HOOK3: variants seen among roughly 807,000 people sequenced by gnomAD.
HOOK3 encodes the protein hook microtubule tethering protein 3.
HOOK3 carries 24 observed loss-of-function variants against 116.3 expected under a neutral mutation model. The ratio of observed to expected loss-of-function variants is 0.21; its 90% CI spans 0.15 to 0.29. HOOK3 has a LOEUF of 0.29. Ranked by LOEUF, HOOK3 falls within the 10% of genes least tolerant of loss-of-function variation. HOOK3 has a pLI of 1.00. For synonymous variants in HOOK3, 275 were observed against 283.0 expected, an observed-to-expected ratio of 0.97 and a Z score of 0.28; for missense variants, 632 against 830.2, an observed-to-expected ratio of 0.76 and a Z score of 2.93.
At chr8:42,901,160 T>G (rs1807181005) in intron 1 of HOOK3, among the ~76,000 whole-genome samples, 1 of 152,194 alleles carries the variant, frequency 6.6e-6, no homozygotes, top group South Asian at 2.1e-4. Context: ...GCTCTAGAGA[T>G]AGTAATTCCA....
intron 14 of HOOK3, among the ~76,000 whole-genome samples, chr8:42,985,356 A>G (rs1331742270): frequency 3.3e-5 from 5 of 152,220 alleles, no homozygotes; most frequent in Admixed American, 3.3e-4. Flanking sequence ...ATAAGTAACG[A>G]TTTTAATGTC....
chr8:42,897,307 GGGGC>G, intron 1 of HOOK3, 119 bp downstream of exon 1: 1 of 603,104 alleles, frequency 1.7e-6, no homozygotes, highest in Non-Finnish European at 2.4e-6. Flanking sequence ...TCCGGGGCCT[GGGGC>G]GGGCGGGGCG....
At chr8:42,905,289 A>G (rs1327636361) in intron 1 of HOOK3, among the ~76,000 whole-genome samples, 3 of 110,164 alleles carry the variant, frequency 2.7e-5, no homozygotes, top group Admixed American at 1.0e-4. Context: ...CCTTTAGGAC[A>G]TAGTTCTTTT....
At chr8:42,976,541 A>G (rs1391452222) in intron 13 of HOOK3, among the ~76,000 whole-genome samples, 3 of 152,110 alleles carry the variant, frequency 2.0e-5, no homozygotes, top group Admixed American at 2.0e-4. Flanking sequence ...TTTGGTAAGG[A>G]TGACAGAAAC....
chr8:43,028,515 G>A lies in HOOK3; in HGVS notation c.*10017G>A, dbSNP rs1182405078. 1 of 188,764 alleles carries A rather than the reference G, an allele frequency of 5.3e-6. No individual in the cohort carries two copies. The highest frequency in any genetic ancestry group is 1.1e-5 in the Non-Finnish European group (1 of 90,212). The allele number at this position is 188,764 out of a possible 1,614,324, so 11.7% of individuals were successfully genotyped here. A position where few individuals can be genotyped will look rare whatever the true frequency, so the allele number is the denominator to read the frequency against. On this transcript the variant is annotated 3_prime_UTR_variant, in exon 22 of 22. Coordinates refer to ENST00000307602, the MANE Select transcript of HOOK3 (RefSeq NM_032410.4). ...ATTGCCAACAGTTTTTTTTGTTTCT[G>A]TCCCTTAAACATTTCCCCTGAAAGT...
chr8:43,014,013 G>C (rs1029107163), intron 21 of HOOK3, among the ~76,000 whole-genome samples: 1 of 152,120 alleles, frequency 6.6e-6, no homozygotes, highest in African/African-American at 2.4e-5. Flanking sequence ...AGTTGGCCAG[G>C]CGTGATGGCT....
intron 1 of HOOK3, among the ~76,000 whole-genome samples, chr8:42,898,867 C>T (rs1370934765): frequency 3.9e-5 from 6 of 152,220 alleles, no homozygotes; most frequent in Non-Finnish European, 7.3e-5. Flanking sequence ...CTACCTTAAA[C>T]GTGCTCAGAA....
At chr8:42,971,631 C>T (rs2130430589) in intron 11 of HOOK3, among the ~76,000 whole-genome samples, 1 of 151,370 alleles carries the variant, frequency 6.6e-6, no homozygotes, top group East Asian at 1.9e-4. Flanking sequence ...TTTCAAATCT[C>T]CCTGGTTATT....
intron 15 of HOOK3, among the ~76,000 whole-genome samples, chr8:42,992,221 A>G (rs1002083189): frequency 5.3e-5 from 8 of 150,778 alleles, no homozygotes; most frequent in African/African-American, 2.0e-4. Flanking sequence ...GAACACGGTG[A>G]AACCCCGTCT....
chr8:42,968,527 A>C (rs1193251742), intron 11 of HOOK3, among the ~76,000 whole-genome samples: 2 of 152,030 alleles, frequency 1.3e-5, no homozygotes, highest in African/African-American at 2.4e-5. Flanking sequence ...ACAGGGTTTC[A>C]CTGTGTTGCC....
At chr8:42,976,394 C>G (rs1486315663) in intron 13 of HOOK3, among the ~76,000 whole-genome samples, 1 of 151,962 alleles carries the variant, frequency 6.6e-6, no homozygotes, top group Non-Finnish European at 1.5e-5. Context: ...CCTGTGGGCC[C>G]AACTACTCAG....
At chr8:42,919,130 G>C (rs1057046843) in intron 2 of HOOK3, among the ~76,000 whole-genome samples, 3 of 151,078 alleles carry the variant, frequency 2.0e-5, no homozygotes, top group Non-Finnish European at 3.0e-5. Context: ...GGGTGGAGAC[G>C]CTCCTCACTT....
chr8:42,953,497 G>A (rs1808380297), intron 6 of HOOK3, among the ~76,000 whole-genome samples: 1 of 151,766 alleles, frequency 6.6e-6, no homozygotes. Context: ...TTGGGAGCCG[G>A]AGGTTGTAGT....
chr8:43,019,940 C>T lies in HOOK3; in HGVS notation c.*1442C>T, dbSNP rs890875158. The T allele has an allele frequency of 5.0e-5, 10 of 201,126 alleles. No individual in the cohort carries two copies. Among genetic ancestry groups the T allele is most frequent in the African/African-American group, 2.3e-4 (10 of 43,598 alleles). The allele number at this position is 201,126 out of a possible 1,614,324, so 12.5% of individuals were successfully genotyped here. A position where few individuals can be genotyped will look rare whatever the true frequency, so the allele number is the denominator to read the frequency against. ...AGGAGGATGTTTTCTCATGTACTTGCTATTTGCAAGTTCAGGTTTCATTTG... is the reference window on the plus strand; with the variant it reads ...AGGAGGATGTTTTCTCATGTACTTGTTATTTGCAAGTTCAGGTTTCATTTG... On this transcript the variant is annotated 3_prime_UTR_variant, in exon 22 of 22. Coordinates refer to ENST00000307602, the MANE Select transcript of HOOK3 (RefSeq NM_032410.4).
chr8:42,908,788 A>G (rs1807364666), intron 2 of HOOK3, among the ~76,000 whole-genome samples: 1 of 152,258 alleles, frequency 6.6e-6, no homozygotes, highest in Admixed American at 6.5e-5. Flanking sequence ...AAAACAGGCA[A>G]CAAAAGCAAA....
rs529721762 is a variant in HOOK3, at chr8:42,959,718, GAAAAAAAAAAAA to G, written c.615+419_615+430del. Among the ~76,000 whole-genome samples, 4 of 29,042 alleles carry G rather than the reference GAAAAAAAAAAAA, an allele frequency of 1.4e-4. No homozygotes were observed. In the South Asian group the frequency reaches 3.4e-3, roughly 25 times the overall value. The allele number at this position is 29,042 out of a possible 152,430, so 19.1% of individuals were successfully genotyped here. A position where few individuals can be genotyped will look rare whatever the true frequency, so the allele number is the denominator to read the frequency against. On this transcript the variant is annotated intron_variant, in intron 8 of 21. Transcript: ENST00000307602. ...TGGGTGACAGAGCAAGACTACATCTGAAAAAAAAAAAAAAAAAAAAAAAAAATTCAAGAGCAT... is the reference window on the plus strand; with the variant it reads ...TGGGTGACAGAGCAAGACTACATCTGAAAAAAAAAAAAAATTCAAGAGCAT...
chr8:42,911,156 T>C (rs1807420382), intron 2 of HOOK3, among the ~76,000 whole-genome samples: 1 of 152,206 alleles, frequency 6.6e-6, no homozygotes, highest in African/African-American at 2.4e-5. Context: ...GTCTTTATTC[T>C]AAGAGCTGTA....
chr8:42,936,168 G>T (rs938800231), intron 4 of HOOK3, among the ~76,000 whole-genome samples: 5 of 152,176 alleles, frequency 3.3e-5, no homozygotes, highest in Admixed American at 2.6e-4. Flanking sequence ...GCAAATGGGA[G>T]TTGACTTATG....
At chr8:42,936,801 A>G (rs1399696756) in intron 4 of HOOK3, among the ~76,000 whole-genome samples, 1 of 152,074 alleles carries the variant, frequency 6.6e-6, no homozygotes, top group Non-Finnish European at 1.5e-5. Flanking sequence ...TCAGTATTTT[A>G]TTGAGGATTT....
Sources: allele counts gnomAD v4.1 joint callset (sites outside exome capture counted in the v4.1 genomes callset), GRCh38; gene constraint gnomAD v4.1.1; transcripts MANE v1.5; gene names NCBI Gene and HGNC (gene_info 2026-07-23, HGNC 2026-07-21).